Variants in DCTN6 observed in about 807,000 individuals in gnomAD.
DCTN6 encodes the protein dynactin subunit 6.
Under a neutral mutation model 25.8 loss-of-function variants are expected in DCTN6, and 15 were observed. The ratio of observed to expected loss-of-function variants is 0.58; its 90% CI spans 0.39 to 0.89. The LOEUF (loss-of-function observed/expected upper bound fraction) is 0.89. Ranked by LOEUF, DCTN6 falls within the 40% of genes least tolerant of loss-of-function variation. The pLI is 0.00. For missense variants in DCTN6, 198 were observed against 237.6 expected (o/e 0.83, Z 1.09); for synonymous variants, 64 against 78.3 (o/e 0.82, Z 0.96).
intron 1 of DCTN6, among the ~76,000 whole-genome samples, chr8:30,162,864 G>A (rs1259512106): frequency 6.6e-6 from 1 of 152,052 alleles, no homozygotes; most frequent in African/African-American, 2.4e-5. Context: ...TACCTTGCTG[G>A]TTGTTAAATA....
At chr8:30,170,396 G>T (rs1167423830) in intron 2 of DCTN6, among the ~76,000 whole-genome samples, 1 of 152,070 alleles carries the variant, frequency 6.6e-6, no homozygotes, top group African/African-American at 2.4e-5. Flanking sequence ...CTGTAGTTTG[G>T]CAATGCTGCC....
rs541718159 is a variant in DCTN6, at chr8:30,168,734, C to A, written c.88+4559C>A. Among the ~76,000 whole-genome samples the A allele has an allele frequency of 1.7e-4, 26 of 152,276 alleles. No homozygotes were observed. In the East Asian group the frequency reaches 3.3e-3, roughly 19 times the overall value. ...GTATTTGTTTTTTCAGAGAAACTAG[C>A]TGGATGCTTGGAAGTATGGTCCTTA... On this transcript the variant is annotated intron_variant, in intron 2 of 6. Transcript: ENST00000221114.
intron 1 of DCTN6, among the ~76,000 whole-genome samples, chr8:30,160,662 A>G (rs1471876755): frequency 2.0e-5 from 3 of 152,234 alleles, no homozygotes; most frequent in African/African-American, 7.2e-5. Context: ...AATACAGTAT[A>G]ATTATTTACA....
At chr8:30,168,430 A>T (rs1803716846) in intron 2 of DCTN6, among the ~76,000 whole-genome samples, 1 of 152,218 alleles carries the variant, frequency 6.6e-6, no homozygotes, top group South Asian at 2.1e-4. Flanking sequence ...AAGAGTGGAG[A>T]TAAGTCATCT....
intron 2 of DCTN6, among the ~76,000 whole-genome samples, chr8:30,169,662 AAACTTT>A (rs1444039974): frequency 4.6e-5 from 7 of 152,200 alleles, no homozygotes; most frequent in Admixed American, 1.3e-4. Flanking sequence ...CAAGACCCTT[AAACTTT>A]ATGTTGAATT....
intron 1 of DCTN6, among the ~76,000 whole-genome samples, chr8:30,163,116 G>A (rs28638113): frequency 0.64 from 97,139 of 151,766 alleles, 32,391 homozygotes; most frequent in Middle Eastern, 0.74. Flanking sequence ...TCACCAACCT[G>A]AAAAAACCCC....
chr8:30,179,170 G>T (rs551689244), intron 4 of DCTN6, among the ~76,000 whole-genome samples: 5 of 152,136 alleles, frequency 3.3e-5, no homozygotes, highest in Admixed American at 1.3e-4. Context: ...ATAAAATCAG[G>T]GTATAAGGTG....
At chr8:30,158,770 C>T (rs1223259733) in intron 1 of DCTN6, among the ~76,000 whole-genome samples, 3 of 124,284 alleles carry the variant, frequency 2.4e-5, no homozygotes, top group Non-Finnish European at 5.1e-5. Flanking sequence ...TTGCACCATG[C>T]CTGGTTCCTT....
chr8:30,170,646 ATT>A (rs964228129), intron 2 of DCTN6, among the ~76,000 whole-genome samples: 1 of 146,288 alleles, frequency 6.8e-6, no homozygotes, highest in Non-Finnish European at 1.5e-5. Context: ...GGTTGTTTTA[ATT>A]TTTTTTTTTT....
chr8:30,175,271 C>T, intron 3 of DCTN6, 81 bp downstream of exon 3: 1 of 1,213,198 alleles, frequency 8.2e-7, no homozygotes, highest in South Asian at 1.3e-5. Context: ...AGAACCTTTT[C>T]AGCTGACATC....
intron 1 of DCTN6, among the ~76,000 whole-genome samples, chr8:30,157,642 CAT>C (rs1563227325): frequency 2.6e-5 from 4 of 152,160 alleles, no homozygotes; most frequent in South Asian, 2.1e-4. Flanking sequence ...CCTTTGTAAA[CAT>C]GTGGGGACAG....
intron 1 of DCTN6, among the ~76,000 whole-genome samples, chr8:30,159,882 C>T (rs963620400): frequency 6.6e-6 from 1 of 152,036 alleles, no homozygotes; most frequent in Admixed American, 6.5e-5. Flanking sequence ...CCGCCTCAGC[C>T]CCCCAAGTAG....
chr8:30,157,707 G>C (rs1182210680), intron 1 of DCTN6, among the ~76,000 whole-genome samples: 2 of 152,174 alleles, frequency 1.3e-5, no homozygotes, highest in African/African-American at 2.4e-5. Context: ...GTTGGTGGCT[G>C]TTGGTGGCTG....
intron 1 of DCTN6, among the ~76,000 whole-genome samples, 154 bp downstream of exon 1, chr8:30,156,560 G>A (rs1803528076): frequency 6.6e-6 from 1 of 152,198 alleles, no homozygotes; most frequent in Non-Finnish European, 1.5e-5. Context: ...CTGAGGGAGG[G>A]GGCGACGGAG....
At chr8:30,159,763 CTTT>C (rs35699156) in intron 1 of DCTN6, among the ~76,000 whole-genome samples, 68 of 129,606 alleles carry the variant, frequency 5.2e-4, no homozygotes, top group Admixed American at 8.6e-4. Context: ...GATTAGTTTT[CTTT>C]TTTTTTTTTT....
In DCTN6 at chr8:30,158,891, C is replaced by G. The variant is rs1012253156; in HGVS notation, c.23+2485C>G. Reference sequence around the variant, plus strand: ...TTGCCTCCTGGGTTCAAGCGATCATCCTGCCTCAGTCTCCAGAGTAGCTGG... The same window carrying G: ...TTGCCTCCTGGGTTCAAGCGATCATGCTGCCTCAGTCTCCAGAGTAGCTGG... On this transcript the variant is annotated intron_variant, in intron 1 of 6. Transcript: ENST00000221114. 6.6e-5 allele frequency among the ~76,000 whole-genome samples: 10 copies of G among 150,474 alleles called. No individual in the cohort carries two copies. The Admixed American group carries it at 6.7e-4, about 10-fold the overall frequency.
At chr8:30,177,504 C>T in intron 4 of DCTN6, 2 of 191,788 alleles carry the variant, frequency 1.0e-5, no homozygotes, top group Non-Finnish European at 2.1e-5. Context: ...GCCAGGAGTT[C>T]AAGACCAGCC....
rs1285949348 is a variant in DCTN6 at position 30,182,723 on chromosome 8, G to A, written c.475-352G>A. ...TTTTTTTTTCTTTGAGACAGGGTCT[G>A]GCTCTGTCACCCAGGCTGGAGTGCA... On this transcript the variant is annotated intron_variant, in intron 6 of 6. Coordinates refer to ENST00000221114, the MANE Select transcript of DCTN6 (RefSeq NM_006571.4). Among the ~76,000 whole-genome samples, 4 of 149,334 alleles carry A rather than the reference G, an allele frequency of 2.7e-5. No individual in the cohort carries two copies. In the South Asian group the frequency reaches 8.4e-4, roughly 32 times the overall value.
chr8:30,170,017 C>T (rs917333130), intron 2 of DCTN6, among the ~76,000 whole-genome samples: 2 of 151,914 alleles, frequency 1.3e-5, no homozygotes, highest in African/African-American at 4.8e-5. Flanking sequence ...TCCTAAAATA[C>T]AAAAAATTAG....
Sources: allele counts gnomAD v4.1 joint callset (sites outside exome capture counted in the v4.1 genomes callset), GRCh38; gene constraint gnomAD v4.1.1; transcripts MANE v1.5; gene names NCBI Gene and HGNC (gene_info 2026-07-23, HGNC 2026-07-21).